PCDHGB7: variants seen among roughly 807,000 people sequenced by gnomAD.
The protein encoded by PCDHGB7 is protocadherin gamma subfamily B, 7.
A neutral mutation model predicts 61.4 loss-of-function variants in PCDHGB7; 37 were observed. The ratio of observed to expected loss-of-function variants is 0.60; its 90% CI spans 0.46 to 0.79. PCDHGB7 has a LOEUF of 0.79. Ranked by LOEUF, PCDHGB7 falls within the 30% of genes least tolerant of loss-of-function variation. PCDHGB7 has a pLI of 0.00. For missense variants in PCDHGB7, 1,166 were observed against 1,202.5 expected (o/e 0.97, Z 0.45); for synonymous variants, 464 against 503.5 (o/e 0.92, Z 1.05).
intron 1 of PCDHGB7, among the ~76,000 whole-genome samples, chr5:141,481,743 G>C (rs1257734207): frequency 1.3e-5 from 2 of 152,096 alleles, no homozygotes; most frequent in Non-Finnish European, 2.9e-5. Context: ...CACGAGGTCA[G>C]GAGTCCAAGA....
At chr5:141,475,046 T>C (rs1430484084) in intron 1 of PCDHGB7, among the ~76,000 whole-genome samples, 1 of 152,274 alleles carries the variant, frequency 6.6e-6, no homozygotes, top group African/African-American at 2.4e-5. Context: ...CTTTGTATTT[T>C]CTAAAGATTT....
chr5:141,510,568 G>C (rs2099881703), intron 3 of PCDHGB7, among the ~76,000 whole-genome samples: 1 of 152,100 alleles, frequency 6.6e-6, no homozygotes, highest in Non-Finnish European at 1.5e-5. Context: ...CATCTACCAG[G>C]CACTATTTTA....
intron 1 of PCDHGB7, among the ~76,000 whole-genome samples, chr5:141,452,745 G>A (rs1246578948): frequency 6.6e-6 from 1 of 152,054 alleles, no homozygotes; most frequent in African/African-American, 2.4e-5. Flanking sequence ...AGAGAGAGAA[G>A]GAAGAAGGAA....
At chr5:141,463,324 T>C (rs1413608053) in intron 1 of PCDHGB7, among the ~76,000 whole-genome samples, 1 of 150,722 alleles carries the variant, frequency 6.6e-6, no homozygotes, top group Non-Finnish European at 1.5e-5. Context: ...ATTCCTCAAC[T>C]CAGCAAAACC....
In PCDHGB7 at chr5:141,490,670, C is replaced by A. The variant is rs1003577285; in HGVS notation, c.2416-4137C>A. ...CCGGGCTCCCTTCTTTGCACTGTGG[C>A]TGCCTCAGATCCAGACACTGGGGAT... On this transcript the variant is annotated intron_variant, in intron 1 of 3. Coordinates refer to ENST00000398594, the MANE Select transcript of PCDHGB7 (RefSeq NM_018927.4). This position sits in a 1 kb window ranked among gnomAD's most constrained non-coding sequence, Gnocchi z 5.4. 4 of 1,614,194 alleles carry A rather than the reference C, an allele frequency of 2.5e-6. No homozygotes were observed. The highest frequency in any genetic ancestry group is 3.4e-6 in the Non-Finnish European group (4 of 1,179,986).
chr5:141,467,268 G>C lies in PCDHGB7; in HGVS notation c.2416-27539G>C, dbSNP rs1195615721. On this transcript the variant is annotated intron_variant, in intron 1 of 3. Transcript: ENST00000398594. The stretch of plus-strand genomic sequence containing the variant: ...GGGTTTCACCATGTTGGCCAGGCTG[G>C]TCTCGAACTCTTGACCTCAAGTGAT... Among the ~76,000 whole-genome samples, 3 of 152,030 alleles carry C rather than the reference G, an allele frequency of 2.0e-5. No homozygotes were observed. The South Asian group carries it at 6.2e-4, about 32-fold the overall frequency.
intron 1 of PCDHGB7, among the ~76,000 whole-genome samples, chr5:141,420,762 T>A (rs1221355822): frequency 6.6e-6 from 1 of 152,222 alleles, no homozygotes; most frequent in Non-Finnish European, 1.5e-5. Context: ...AACCTACAAG[T>A]TTTCAGCTCC....
rs1236813956 is a variant in PCDHGB7, at chr5:141,480,634, TTTCAAAC to T, written c.2416-14170_2416-14164del. On this transcript the variant is annotated intron_variant, in intron 1 of 3. Transcript: ENST00000398594. The stretch of plus-strand genomic sequence containing the variant: ...ACTGGCATTTTCCCTAGAACAATGT[TTTCAAAC>T]TTGGTTGCACATTAAAATCACCTAG... Among the ~76,000 whole-genome samples the T allele has an allele frequency of 3.9e-5, 6 of 152,332 alleles. No individual in the cohort carries two copies. In the East Asian group the frequency reaches 1.2e-3, roughly 29 times the overall value.
chr5:141,494,142 A>AAGACAACT (rs2099752181), intron 1 of PCDHGB7, among the ~76,000 whole-genome samples: 5 of 152,090 alleles, frequency 3.3e-5, no homozygotes, highest in Admixed American at 6.5e-5. Context: ...TTAGTCACAG[A>AAGACAACT]CCATTGTCTG....
intron 1 of PCDHGB7, among the ~76,000 whole-genome samples, chr5:141,445,490 C>T (rs1181158971): frequency 6.6e-6 from 1 of 152,134 alleles, no homozygotes; most frequent in Non-Finnish European, 1.5e-5. Flanking sequence ...AGTTAATGGG[C>T]CCTATTCTAA....
intron 1 of PCDHGB7, chr5:141,423,850 A>G: frequency 1.6e-6 from 2 of 1,278,674 alleles, no homozygotes; most frequent in East Asian, 3.1e-5. Flanking sequence ...ATCTTTCAGA[A>G]CGTTTTTGTG....
chr5:141,474,180 A>G (rs763042503), intron 1 of PCDHGB7, among the ~76,000 whole-genome samples: 4 of 152,240 alleles, frequency 2.6e-5, no homozygotes, highest in Non-Finnish European at 4.4e-5. Context: ...TGAGAAAACT[A>G]CTTACATTTT....
chr5:141,438,658 G>GTA (rs2098048375), intron 1 of PCDHGB7, among the ~76,000 whole-genome samples: 7 of 77,996 alleles, frequency 9.0e-5, no homozygotes, highest in African/African-American at 1.9e-4. Flanking sequence ...ACACATATAT[G>GTA]TATATATATA....
intron 1 of PCDHGB7, among the ~76,000 whole-genome samples, chr5:141,464,983 C>G (rs1294132264): frequency 6.6e-6 from 1 of 152,050 alleles, no homozygotes; most frequent in African/African-American, 2.4e-5. Flanking sequence ...TTCAAGTGAT[C>G]CTCCCACCTC....
chr5:141,441,762 C>A (rs3805697), intron 1 of PCDHGB7: 10 of 374,012 alleles, frequency 2.7e-5, no homozygotes, highest in Non-Finnish European at 2.2e-5. Flanking sequence ...CGTGAGCCTG[C>A]GCGTGTTGGT....
chr5:141,469,829 A>G (rs2099212486), intron 1 of PCDHGB7, among the ~76,000 whole-genome samples: 1 of 152,102 alleles, frequency 6.6e-6, no homozygotes, highest in African/African-American at 2.4e-5. Context: ...AGGTCACATA[A>G]AACTTATTCT....
intron 1 of PCDHGB7, among the ~76,000 whole-genome samples, chr5:141,461,433 C>A (rs183800312): frequency 1.3e-5 from 2 of 151,970 alleles, no homozygotes; most frequent in Non-Finnish European, 1.5e-5. Context: ...CATTTGTATA[C>A]CTTCTTTTGA....
rs1418329404 is a variant in PCDHGB7, at chr5:141,419,521, C to T, written c.1662C>T (p.Asp554=). Reference sequence around the variant, plus strand: ...TGAGCCTGCGCGTGTTGGTGGGCGACCGTAACGACAACGCACCGCGGGTGC... The same window carrying T: ...TGAGCCTGCGCGTGTTGGTGGGCGATCGTAACGACAACGCACCGCGGGTGC... ...ANVSLRVLVG[D]RNDNAPRVLY... is the part of the protein sequence containing the mutation. The change falls in exon 1 of 4, where the codon GAC becomes GAT. Residue 554 remains aspartate (D), a synonymous_variant. Transcript: ENST00000398594. The T allele has an allele frequency of 1.2e-6, 2 of 1,612,122 alleles. No individual in the cohort carries two copies. The highest frequency in any genetic ancestry group is 2.2e-5 in the East Asian group (1 of 44,886).
At chr5:141,423,806 T>A in intron 1 of PCDHGB7, 1 of 1,251,576 alleles carries the variant, frequency 8.0e-7, no homozygotes, top group African/African-American at 1.6e-5. Flanking sequence ...GCAATACATG[T>A]GAGTTTTACT....
Sources: gnomAD v4.1 joint callset for allele counts (sites outside exome capture counted in the v4.1 genomes callset) on GRCh38, gnomAD v4.1.1 for gene constraint, Gnocchi (gnomAD v3.1) non-coding constraint, MANE v1.5 for transcripts, NCBI Gene and HGNC (gene_info 2026-07-23, HGNC 2026-07-21) for gene names.